Variants in CCDC148 observed in about 807,000 individuals in gnomAD.
The protein encoded by CCDC148 is coiled-coil domain containing 148, also known as coiled-coil domain-containing protein 148.
Under a neutral mutation model 85.7 loss-of-function variants are expected in CCDC148, and 89 were observed. The ratio of observed to expected loss-of-function variants is 1.04; its 90% CI spans 0.87 to 1.24. The LOEUF is 1.24. Ranked by LOEUF, CCDC148 falls within the 50% of genes most tolerant of loss-of-function variation. The pLI, the probability that CCDC148 is intolerant of heterozygous loss-of-function variation, is 0.00. For synonymous variants in CCDC148, 230 were observed against 213.9 expected (o/e 1.08, Z -0.66); for missense variants, 692 against 671.7 (o/e 1.03, Z -0.33).
At chr2:158,451,626 T>A (rs978573447) in intron 1 of CCDC148, among the ~76,000 whole-genome samples, 2 of 152,132 alleles carry the variant, frequency 1.3e-5, no homozygotes, top group African/African-American at 4.8e-5. Context: ...CTCAAAGTTC[T>A]CTTATCTTCA....
chr2:158,220,499 T>C (rs1687117375), intron 11 of CCDC148, 96 bp downstream of exon 11: 1 of 766,506 alleles, frequency 1.3e-6, no homozygotes, highest in Non-Finnish European at 2.2e-6. Flanking sequence ...ACATTAAGTA[T>C]AGAAAAAAGT....
intron 1 of CCDC148, among the ~76,000 whole-genome samples, chr2:158,378,922 G>A (rs1277540957): frequency 6.6e-6 from 1 of 152,110 alleles, no homozygotes; most frequent in East Asian, 1.9e-4. Flanking sequence ...GGAGATTAAT[G>A]TTGCTTTCAT....
At chr2:158,190,716 T>C (rs1455418754) in intron 11 of CCDC148, among the ~76,000 whole-genome samples, 1 of 152,202 alleles carries the variant, frequency 6.6e-6, no homozygotes, top group Non-Finnish European at 1.5e-5. Context: ...GGAACTTTTG[T>C]TGAGGGTTTA....
chr2:158,207,982 C>T (rs1198106050), intron 11 of CCDC148, among the ~76,000 whole-genome samples: 5 of 150,732 alleles, frequency 3.3e-5, no homozygotes, highest in African/African-American at 1.2e-4. Context: ...CACACACACA[C>T]ACACTTTCTG....
Position 158,284,411 on chromosome 2 carries a change from G to C in CCDC148, c.1110+25022C>G, listed in dbSNP as rs554393111. Among the ~76,000 whole-genome samples, 3 of 152,256 alleles carry C rather than the reference G, an allele frequency of 2.0e-5. No individual in the cohort carries two copies. The South Asian group carries it at 6.2e-4, about 32-fold the overall frequency. ...AACCTCTTAAAGAACTTAACAAGAT[G>C]GTGAGGAACGAATGTGACAAGTGAA... is the stretch of plus-strand genomic sequence containing the variant. On this transcript the variant is annotated intron_variant, in intron 9 of 13. Transcript: ENST00000283233.
intron 1 of CCDC148, among the ~76,000 whole-genome samples, chr2:158,362,269 A>G (rs1257496746): frequency 1.3e-5 from 2 of 152,216 alleles, no homozygotes; most frequent in African/African-American, 4.8e-5. Context: ...ACAACGAGAA[A>G]GAAAATTAAC....
intron 3 of CCDC148, among the ~76,000 whole-genome samples, chr2:158,341,307 ATAT>A (rs1682680469): frequency 2.1e-5 from 3 of 146,296 alleles, no homozygotes; most frequent in African/African-American, 7.6e-5. Flanking sequence ...GTGTACATAC[ATAT>A]TTTTTTTTTT....
chr2:158,381,768 T>C (rs1277475854), intron 1 of CCDC148, among the ~76,000 whole-genome samples: 1 of 152,092 alleles, frequency 6.6e-6, no homozygotes, highest in African/African-American at 2.4e-5. Flanking sequence ...TGCATGCCTA[T>C]CACCTTCTCA....
At chr2:158,293,624 T>G (rs1390713786) in intron 9 of CCDC148, among the ~76,000 whole-genome samples, 1 of 152,090 alleles carries the variant, frequency 6.6e-6, no homozygotes, top group African/African-American at 2.4e-5. Context: ...CCAGGAGAAC[T>G]ATGCTGATCA....
intron 1 of CCDC148, among the ~76,000 whole-genome samples, chr2:158,444,705 C>T (rs1688082659): frequency 7.3e-6 from 1 of 137,122 alleles, no homozygotes; most frequent in Admixed American, 8.2e-5. Context: ...ATCACTTGAG[C>T]TGGGGAGAGG....
intron 9 of CCDC148, among the ~76,000 whole-genome samples, chr2:158,257,547 A>T (rs1445876162): frequency 2.6e-5 from 4 of 151,764 alleles, no homozygotes; most frequent in African/African-American, 9.7e-5. Context: ...AAAGCTTTCT[A>T]TTCTCCATTT....
In CCDC148 at chr2:158,244,819, A is replaced by G. The variant is rs139005852; in HGVS notation, c.1251+5953T>C. Among the ~76,000 whole-genome samples, 1,029 of 152,254 alleles carry G rather than the reference A, an allele frequency of 6.8e-3. 4 individuals carry two copies. Among genetic ancestry groups the G allele is most frequent in the Non-Finnish European group, 0.011 (771 of 68,018 alleles). On this transcript the variant is annotated intron_variant, in intron 10 of 13. Coordinates refer to ENST00000283233, the MANE Select transcript of CCDC148 (RefSeq NM_138803.4). The stretch of plus-strand genomic sequence containing the variant: ...GGCTGGAGGGTGAGTAGGGGATCCT[A>G]TAGCCCACCTTAGAAGCCTACTTAT...
chr2:158,396,497 T>C (rs1270080291), intron 1 of CCDC148, among the ~76,000 whole-genome samples: 1 of 152,086 alleles, frequency 6.6e-6, no homozygotes, highest in Non-Finnish European at 1.5e-5. Context: ...CTATAGGCAT[T>C]TGAGTCAGTG....
At chr2:158,314,703 A>G (rs1388481509) in intron 7 of CCDC148, among the ~76,000 whole-genome samples, 1 of 152,236 alleles carries the variant, frequency 6.6e-6, no homozygotes, top group Admixed American at 6.5e-5. Context: ...TTTATTTTGC[A>G]TATCATTATT....
intron 1 of CCDC148, among the ~76,000 whole-genome samples, chr2:158,443,046 G>T (rs1412871413): frequency 5.3e-5 from 8 of 151,974 alleles, no homozygotes; most frequent in Admixed American, 3.9e-4. Flanking sequence ...TTGTTTGTTT[G>T]TTTGTTTGTT....
intron 3 of CCDC148, among the ~76,000 whole-genome samples, chr2:158,343,883 ATTAAGG>A (rs913007659): frequency 2.6e-5 from 4 of 152,204 alleles, no homozygotes; most frequent in African/African-American, 9.6e-5. Context: ...GTTCTGAGAC[ATTAAGG>A]TTATCATTAC....
At chr2:158,334,547 C>A (rs1693322496) in intron 7 of CCDC148, among the ~76,000 whole-genome samples, 1 of 69,560 alleles carries the variant, frequency 1.4e-5, no homozygotes, top group African/African-American at 6.8e-5. Context: ...TTATCTCATT[C>A]TTTTATGATT....
At position 158,338,711 on chromosome 2, in the gene CCDC148, GTTT is replaced by G; in HGVS notation, c.764+12_764+14del. The G allele has an allele frequency of 6.3e-7, 1 of 1,580,152 alleles. No homozygotes were observed. Among genetic ancestry groups the G allele is most frequent in the Non-Finnish European group, 8.6e-7 (1 of 1,166,140 alleles). ...GTGTCAAAAGTCTACACAGGACTCA[GTTT>G]TATCTTATCACCTGTATATGTCTTC... On this transcript the variant is annotated intron_variant, in intron 7 of 13. Coordinates refer to ENST00000283233, the MANE Select transcript of CCDC148 (RefSeq NM_138803.4).
At chr2:158,350,960 A>G (rs1683236072) in intron 2 of CCDC148, among the ~76,000 whole-genome samples, 1 of 152,030 alleles carries the variant, frequency 6.6e-6, no homozygotes, top group African/African-American at 2.4e-5. Context: ...TCCTCACCCT[A>G]CTGTGCAATA....
Sources: gnomAD v4.1 joint callset for allele counts (sites outside exome capture counted in the v4.1 genomes callset) on GRCh38, gnomAD v4.1.1 for gene constraint, MANE v1.5 for transcripts, NCBI Gene and HGNC (gene_info 2026-07-23, HGNC 2026-07-21) for gene names.